The following DGKK variants were observed in gnomAD, a reference collection of about 807,000 sequenced individuals.
The protein encoded by DGKK is diacylglycerol kinase kappa.
Under a neutral mutation model 92.2 loss-of-function variants are expected in DGKK, and 35 were observed. The observed-to-expected ratio is 0.38, with a 90% CI of 0.29 to 0.50. The LOEUF is 0.50. Among genes scored for constraint, DGKK ranks in the 20% least tolerant of loss-of-function variants. The pLI is 0.92. For synonymous variants in DGKK, 368 were observed against 360.6 expected (o/e 1.02, Z -0.23); for missense variants, 910 against 992.2 (o/e 0.92, Z 1.11).
chrX:50,451,470 G>A (rs914459478), intron 1 of DGKK, among the ~76,000 whole-genome samples: 8 of 111,296 alleles, frequency 7.2e-5, no homozygotes, highest in East Asian at 2.8e-4. Context: ...TAATATTCTT[G>A]CTAGAGACAA....
intron 1 of DGKK, among the ~76,000 whole-genome samples, chrX:50,426,791 C>A (rs1239212386): frequency 3.6e-5 from 4 of 112,002 alleles, no homozygotes; most frequent in African/African-American, 6.5e-5. Flanking sequence ...CATAAAGCAA[C>A]AATTAAATAC....
intron 18 of DGKK, among the ~76,000 whole-genome samples, chrX:50,381,749 T>C (rs1297653983): frequency 3.6e-5 from 4 of 111,966 alleles, no homozygotes; most frequent in African/African-American, 1.3e-4. Context: ...AACTGATCAA[T>C]TGGACCGCCT....
rs1198440503 is a variant in DGKK, at chrX:50,365,615, T to C, written c.*3325A>G. The C allele has an allele frequency of 2.7e-5, 3 of 110,163 alleles. No homozygotes were observed. Among genetic ancestry groups the C allele is most frequent in the Non-Finnish European group, 5.7e-5 (3 of 52,808 alleles). 9.1% of individuals were successfully genotyped at this position (110,163 alleles called of 1,213,427 possible). ...TTATTTGCAGGGGCCTCTGAGGAAA[T>C]AAAAAACACAGAGCAGAAAACAACA... On this transcript the variant is annotated 3_prime_UTR_variant, in exon 28 of 28. Coordinates refer to ENST00000611977, the MANE Select transcript of DGKK (RefSeq NM_001013742.4).
intron 7 of DGKK, among the ~76,000 whole-genome samples, chrX:50,402,069 C>G (rs1925021227): frequency 9.0e-6 from 1 of 111,129 alleles, no homozygotes; most frequent in African/African-American, 3.3e-5. Flanking sequence ...CTAAATTACC[C>G]CCAGTTGAGG....
chrX:50,392,427 C>A lies in DGKK; in HGVS notation c.1618G>T (p.Ala540Ser). The A allele has an allele frequency of 8.3e-7, 1 of 1,210,945 alleles. No homozygotes were observed. The highest frequency in any genetic ancestry group is 1.1e-6 in the Non-Finnish European group (1 of 894,558). ...EAGLSMFKNFARFRILVCGGD... is the reference protein window; with the variant it reads ...EAGLSMFKNFSRFRILVCGGD... ...CCACAAACCAGAATGCGAAAGCGAGCAAAGTTCTTGAACATAGACAGCCTG... is the reference window on the plus strand; with the variant it reads ...CCACAAACCAGAATGCGAAAGCGAGAAAAGTTCTTGAACATAGACAGCCTG... Residue 540 changes from alanine to serine, a missense_variant, in exon 10 of 28, where the codon GCT (alanine) becomes TCT (serine). Ala to Ser is a moderately conservative substitution (Grantham distance 99). Coordinates refer to ENST00000611977, the MANE Select transcript of DGKK (RefSeq NM_001013742.4).
At chrX:50,408,554 T>C (rs1421477481) in intron 4 of DGKK, among the ~76,000 whole-genome samples, 1 of 110,119 alleles carries the variant, frequency 9.1e-6, no homozygotes, top group African/African-American at 3.3e-5. Flanking sequence ...AATTTTTTTT[T>C]TTGTATTTTT....
Position 50,386,488 on chromosome X carries a change from G to A in DGKK, c.2217C>T (p.Asp739=). 4 of 1,211,179 alleles carry A rather than the reference G, an allele frequency of 3.3e-6. No individual in the cohort carries two copies. Among genetic ancestry groups the A allele is most frequent in the Non-Finnish European group, 4.5e-6 (4 of 895,087 alleles). ...SAEKSATEYA[D]SSKADRKPFI... is the part of the protein sequence containing the mutation. Reference sequence around the variant, plus strand: ...AGGGCTTCCTATCTGCCTTGCTGCTGTCTGCATATTCTGTAGCACTTTTTT... The same window carrying A: ...AGGGCTTCCTATCTGCCTTGCTGCTATCTGCATATTCTGTAGCACTTTTTT... The change falls in exon 15 of 28, where the codon GAC becomes GAT. Residue 739 remains aspartate (D), a synonymous_variant. Transcript: ENST00000611977.
rs189900950 is a variant in DGKK at position 50,397,202 on chromosome X, A to G, written c.1411+3835T>C. Among the ~76,000 whole-genome samples the G allele has an allele frequency of 3.6e-5, 4 of 112,019 alleles. No homozygotes were observed. The East Asian group carries it at 1.1e-3, about 32-fold the overall frequency. ...AGTCAACAGCCTGAAAGAACCTTTC[A>G]AAAAAAGCTCATGTTTCTTTGAGCT... On this transcript the variant is annotated intron_variant, in intron 8 of 27. Transcript: ENST00000611977.
Position 50,383,720 on chromosome X carries a change from G to T in DGKK, c.2549+448C>A, listed in dbSNP as rs781937339. Among the ~76,000 whole-genome samples, 23 of 111,711 alleles carry T rather than the reference G, an allele frequency of 2.1e-4. No homozygotes were observed. In the South Asian group the frequency reaches 8.4e-3, roughly 41 times the overall value. Reference sequence around the variant, plus strand: ...CTGCTGCCGATATTCTAAAGAGGGAGAACTGGTGAGACAGATGTCCTTAGA... The same window carrying T: ...CTGCTGCCGATATTCTAAAGAGGGATAACTGGTGAGACAGATGTCCTTAGA... On this transcript the variant is annotated intron_variant, in intron 17 of 27. Transcript: ENST00000611977.
At position 50,470,555 on chromosome X, in the gene DGKK, C is replaced by A. The variant is rs1557234503; in HGVS notation, c.124G>T (p.Ala42Ser). The change falls in exon 1 of 28, where the codon GCT becomes TCT. Residue 42 changes from alanine (A) to serine (S), a missense_variant. By Grantham distance (99) the Ala-to-Ser change is moderately conservative. Coordinates refer to ENST00000611977, the MANE Select transcript of DGKK (RefSeq NM_001013742.4). The stretch of plus-strand genomic sequence containing the variant: ...GAAGCCTCGGAGAGCAGCGGCGGAG[C>A]CGGCGGCGGAGCCGGTGGTGGTGGC... ...PPPPPPAPPP[A>S]PPLLSEASPE... is the part of the protein sequence containing the mutation. The A allele has an allele frequency of 3.3e-6, 4 of 1,204,435 alleles. No individual in the cohort carries two copies. Among genetic ancestry groups the A allele is most frequent in the South Asian group, 1.8e-5 (1 of 56,704 alleles).
At chrX:50,413,798 G>A (rs782456231) in intron 4 of DGKK, among the ~76,000 whole-genome samples, 2 of 111,456 alleles carry the variant, frequency 1.8e-5, no homozygotes, top group South Asian at 3.9e-4. Flanking sequence ...AATGGTATAG[G>A]GGTTCCTCAA....
In DGKK at chrX:50,371,540, C is replaced by G. The variant is rs1370574025; in HGVS notation, c.3612+184G>C. Among the ~76,000 whole-genome samples, 3 of 111,805 alleles carry G rather than the reference C, an allele frequency of 2.7e-5. No homozygotes were observed. In the Admixed American group the frequency reaches 2.8e-4, roughly 11 times the overall value. ...TTTTCTACATGTTTTCTGCCTTACC[C>G]TATCTATTTATGATGAAGAGATTGG... On this transcript the variant is annotated intron_variant, in intron 26 of 27. Coordinates refer to ENST00000611977, the MANE Select transcript of DGKK (RefSeq NM_001013742.4).
At chrX:50,382,442 A>G (rs1364545183) in intron 18 of DGKK, 54 bp downstream of exon 18, 12 of 853,426 alleles carry the variant, frequency 1.4e-5, no homozygotes, top group Non-Finnish European at 2.0e-5. Flanking sequence ...AGGAATACGT[A>G]TGTGTATTGT....
intron 4 of DGKK, 114 bp from the exon 5 acceptor site, chrX:50,404,298 G>A (rs1317103888): frequency 2.7e-5 from 22 of 813,452 alleles, no homozygotes; most frequent in East Asian, 3.7e-5. Flanking sequence ...GTGTCAGAGC[G>A]TGTGAAGGGG....
At chrX:50,404,320 T>G in intron 4 of DGKK, 136 bp from the exon 5 acceptor site, 7 of 671,464 alleles carry the variant, frequency 1.0e-5, no homozygotes, top group Non-Finnish European at 1.4e-5. Context: ...AGACTGAAAG[T>G]TGGAGCCAAT....
intron 22 of DGKK, 47 bp from the exon 23 acceptor site, chrX:50,376,965 A>G: frequency 8.9e-7 from 1 of 1,122,010 alleles, no homozygotes; most frequent in Non-Finnish European, 1.2e-6. Context: ...TGTAGCTACT[A>G]GTGCACATGA....
intron 1 of DGKK, among the ~76,000 whole-genome samples, chrX:50,425,130 G>A (rs781976256): frequency 1.8e-5 from 2 of 111,422 alleles, no homozygotes; most frequent in South Asian, 3.8e-4. Context: ...ACCCCAACAA[G>A]CTGGAATCAA....
intron 1 of DGKK, among the ~76,000 whole-genome samples, chrX:50,462,475 T>C (rs1206129908): frequency 9.4e-6 from 1 of 106,210 alleles, no homozygotes; most frequent in African/African-American, 3.4e-5. Context: ...TCAATGGTGT[T>C]GGAGGGATTA....
rs1924479726 is a variant in DGKK at position 50,384,161 on chromosome X, T to C, written c.2549+7A>G. 7.2e-6 allele frequency: 8 copies of C among 1,109,777 alleles called. No individual in the cohort carries two copies. The highest frequency in any genetic ancestry group is 9.7e-6 in the Non-Finnish European group (8 of 821,433). 91.5% of individuals were successfully genotyped at this position (1,109,777 alleles called of 1,213,427 possible). A position where few individuals can be genotyped will look rare whatever the true frequency, so the allele number is the denominator to read the frequency against. On this transcript the variant is annotated splice_region_variant and intron_variant, in intron 17 of 27. Coordinates refer to ENST00000611977, the MANE Select transcript of DGKK (RefSeq NM_001013742.4). ...GCCATTAAAAGGTGATAGAGTTAAATACTTACATAGATTCAGGTGTAAAAT... is the reference window on the plus strand; with the variant it reads ...GCCATTAAAAGGTGATAGAGTTAAACACTTACATAGATTCAGGTGTAAAAT...
Sources: gnomAD v4.1 joint callset for allele counts (sites outside exome capture counted in the v4.1 genomes callset) on GRCh38, gnomAD v4.1.1 for gene constraint, MANE v1.5 for transcripts, NCBI Gene and HGNC (gene_info 2026-07-23, HGNC 2026-07-21) for gene names.